IL7: variants seen among roughly 807,000 people sequenced by gnomAD.
IL7 encodes interleukin-7.
In IL7, 3 loss-of-function variants were observed where a neutral mutation model predicts 21.6. The observed-to-expected ratio is 0.14, with a 90% CI of 0.06 to 0.36. The LOEUF is 0.36. IL7 is among the 10% of genes least tolerant of loss of function. IL7 has a pLI of 1.00. For synonymous variants in IL7, 62 were observed against 68.1 expected (o/e 0.91, Z 0.44); for missense variants, 175 against 200.2 (o/e 0.87, Z 0.76).
chr8:78,707,313 A>G (rs1310889838), intron 3 of IL7, among the ~76,000 whole-genome samples: 1 of 152,220 alleles, frequency 6.6e-6, no homozygotes, highest in Non-Finnish European at 1.5e-5. Flanking sequence ...ATTCCTAGAT[A>G]GGACGTGTAA....
chr8:78,712,786 T>C (rs1288330257), intron 3 of IL7, among the ~76,000 whole-genome samples: 1 of 152,170 alleles, frequency 6.6e-6, no homozygotes, highest in Non-Finnish European at 1.5e-5. Context: ...ATTTTAAATA[T>C]GAAATTAGGG....
At chr8:78,705,021 C>G (rs1007850578) in intron 3 of IL7, among the ~76,000 whole-genome samples, 1 of 152,104 alleles carries the variant, frequency 6.6e-6, no homozygotes, top group Non-Finnish European at 1.5e-5. Context: ...TGATTTTTAG[C>G]TTCCTTTCAT....
intron 4 of IL7, among the ~76,000 whole-genome samples, chr8:78,684,191 T>C (rs1340250395): frequency 3.3e-5 from 5 of 152,338 alleles, no homozygotes; most frequent in African/African-American, 4.8e-5. Flanking sequence ...ACCAACTTAC[T>C]GTATTAGTCC....
At chr8:78,771,554 G>A (rs555527647) in intron 2 of IL7, among the ~76,000 whole-genome samples, 1 of 152,180 alleles carries the variant, frequency 6.6e-6, no homozygotes, top group South Asian at 2.1e-4. Flanking sequence ...GCCACATGGA[G>A]AAACGCAGAG....
chr8:78,770,160 G>A (rs1264983864), intron 2 of IL7, among the ~76,000 whole-genome samples: 1 of 152,150 alleles, frequency 6.6e-6, no homozygotes, highest in Non-Finnish European at 1.5e-5. Context: ...AAAAGCAGTG[G>A]CAACAAAAGC....
At chr8:78,785,967 G>C (rs986451669) in intron 2 of IL7, among the ~76,000 whole-genome samples, 11 of 152,108 alleles carry the variant, frequency 7.2e-5, no homozygotes, top group Non-Finnish European at 1.0e-4. Flanking sequence ...TTTTGTTGGT[G>C]GACAGGGACT....
chr8:78,736,485 T>C lies in IL7; in HGVS notation c.403A>G (p.Thr135Ala), dbSNP rs1287109931. 3.1e-6 allele frequency: 5 copies of C among 1,599,430 alleles called. No homozygotes were observed. The highest frequency in any genetic ancestry group is 4.3e-6 in the Non-Finnish European group (5 of 1,170,146). The change falls in exon 5 of 6, where the codon ACA becomes GCA. Residue 135 changes from threonine to alanine, a missense_variant. Thr to Ala is a moderately conservative substitution (Grantham distance 58). Coordinates refer to ENST00000263851, the MANE Select transcript of IL7 (RefSeq NM_000880.4). The stretch of plus-strand genomic sequence containing the variant: ...ACAATTATTCTCACCAAACTCTTTG[T>C]TGGTTGGGCTTCACCCAGGGCAGCT... ...KPAALGEAQP[T>A]KSLEENKSLK...
chr8:78,795,361 A>G (rs1042632323), intron 2 of IL7, among the ~76,000 whole-genome samples: 5 of 152,126 alleles, frequency 3.3e-5, no homozygotes, highest in African/African-American at 1.2e-4. Context: ...TTCTATGTAT[A>G]GAAAACATTC....
chr8:78,762,440 G>T, intron 2 of IL7: 3 of 1,570,950 alleles, frequency 1.9e-6, no homozygotes, highest in Non-Finnish European at 2.6e-6. Flanking sequence ...ATCGTCGCCC[G>T]CCCGCCGGCC....
At chr8:78,734,451 T>C (rs1175608270) in intron 5 of IL7, among the ~76,000 whole-genome samples, 48 of 152,188 alleles carry the variant, frequency 3.2e-4, no homozygotes, top group Admixed American at 3.1e-3. Context: ...TTTCTCTGAG[T>C]CCTCTGACCT....
At chr8:78,766,178 A>T (rs1812747619) in intron 2 of IL7, among the ~76,000 whole-genome samples, 1 of 152,120 alleles carries the variant, frequency 6.6e-6, no homozygotes. Flanking sequence ...AAGAGGGAGC[A>T]AGTGGATGAA....
At chr8:78,763,999 C>A (rs1399306826) in intron 2 of IL7, among the ~76,000 whole-genome samples, 2 of 152,124 alleles carry the variant, frequency 1.3e-5, no homozygotes, top group African/African-American at 4.8e-5. Context: ...ATCTACACCA[C>A]AATTGAGTGG....
intron 2 of IL7, among the ~76,000 whole-genome samples, chr8:78,754,276 A>G (rs1812273846): frequency 6.6e-6 from 1 of 152,142 alleles, no homozygotes; most frequent in Admixed American, 6.6e-5. Context: ...ATCATGAGAA[A>G]ACTCCAATTC....
Position 78,738,696 on chromosome 8 carries a change from T to A in IL7, c.229-61A>T, listed in dbSNP as rs1187943490. 18 of 1,517,754 alleles carry A rather than the reference T, an allele frequency of 1.2e-5. No homozygotes were observed. The Admixed American group carries it at 1.8e-4, about 16-fold the overall frequency. 94.0% of individuals were successfully genotyped at this position (1,517,754 alleles called of 1,614,324 possible). A position where few individuals can be genotyped will look rare whatever the true frequency, so the allele number is the denominator to read the frequency against. On this transcript the variant is annotated intron_variant, in intron 3 of 5. Coordinates refer to ENST00000263851, the MANE Select transcript of IL7 (RefSeq NM_000880.4). ...AATAAAATATTAAGAAATTATAAGC[T>A]TTCTTAAGGAGCCTAGAGCTTGAGC...
At chr8:78,766,852 G>C (rs974432664) in intron 2 of IL7, among the ~76,000 whole-genome samples, 1 of 152,090 alleles carries the variant, frequency 6.6e-6, no homozygotes, top group Non-Finnish European at 1.5e-5. Flanking sequence ...GAGATTTGCT[G>C]AATAAAATGG....
At chr8:78,767,265 G>T (rs1419223482) in intron 2 of IL7, among the ~76,000 whole-genome samples, 4 of 151,764 alleles carry the variant, frequency 2.6e-5, no homozygotes, top group Non-Finnish European at 4.4e-5. Flanking sequence ...TGCATACAGT[G>T]TGAACAAGTG....
chr8:78,685,218 G>A (rs1340937174), intron 4 of IL7, among the ~76,000 whole-genome samples: 2 of 150,446 alleles, frequency 1.3e-5, no homozygotes, highest in South Asian at 2.1e-4. Context: ...GGGACAGGGA[G>A]GGGAGAGTCA....
intron 3 of IL7, among the ~76,000 whole-genome samples, chr8:78,704,492 G>A (rs1810708483): frequency 1.3e-5 from 2 of 150,668 alleles, no homozygotes; most frequent in Non-Finnish European, 2.9e-5. Context: ...GCTTTCCTTT[G>A]TAGGTGACCT....
rs180689481 is a variant in IL7, at chr8:78,680,870, G to A, written n.274-4766C>T. 3.9e-5 allele frequency among the ~76,000 whole-genome samples: 6 copies of A among 152,252 alleles called. No homozygotes were observed. The East Asian group carries it at 1.2e-3, about 29-fold the overall frequency. On this transcript the variant is annotated intron_variant and non_coding_transcript_variant, in intron 4 of 4. Transcript: ENST00000523959. ...TATCTTTATCTCTTGTTTAGTATAG[G>A]CAAGACAGAAACTGGGAGGAGCTGT...
Sources: gnomAD v4.1 joint callset for allele counts (sites outside exome capture counted in the v4.1 genomes callset) on GRCh38, gnomAD v4.1.1 for gene constraint, MANE v1.5 for transcripts, NCBI Gene and HGNC (gene_info 2026-07-23, HGNC 2026-07-21) for gene names.